Variants in TRIP11 observed in about 807,000 individuals in gnomAD.
TRIP11 encodes the protein thyroid hormone receptor interactor 11, also known as thyroid receptor-interacting protein 11.
A neutral mutation model predicts 223.1 loss-of-function variants in TRIP11; 148 were observed. The observed-to-expected ratio is 0.66, with a 90% CI of 0.58 to 0.76. The LOEUF is 0.76. Ranked by LOEUF, TRIP11 falls within the 30% of genes least tolerant of loss-of-function variation. The pLI, the probability that TRIP11 is intolerant of heterozygous loss-of-function variation, is 0.00. For synonymous variants in TRIP11, 762 were observed against 772.6 expected (o/e 0.99, Z 0.23); for missense variants, 2,043 against 2,222.0 (o/e 0.92, Z 1.62).
chr14:91,999,602 A>C (rs978729100), intron 12 of TRIP11, among the ~76,000 whole-genome samples, 169 bp from the exon 13 acceptor site: 1 of 152,214 alleles, frequency 6.6e-6, no homozygotes, highest in African/African-American at 2.4e-5. Context: ...ATCATCTTGA[A>C]TATGCATCTG....
chr14:92,028,779 A>C (rs1201705912), intron 2 of TRIP11, among the ~76,000 whole-genome samples: 1 of 152,224 alleles, frequency 6.6e-6, no homozygotes, highest in African/African-American at 2.4e-5. Context: ...TTCTAGCTGC[A>C]GTCCTTCTAA....
rs61209764 is a variant in TRIP11 at position 92,024,370 on chromosome 14, C to CAA, written c.312+938_312+939dup. ...TGGGCGACAGAGCAAGACTCTGTCT[C>CAA]AAAAAAAAAAAAAAAAATTATTTGA... is the stretch of plus-strand genomic sequence containing the variant. On this transcript the variant is annotated intron_variant, in intron 3 of 20. Coordinates refer to ENST00000267622, the MANE Select transcript of TRIP11 (RefSeq NM_004239.4). Among the ~76,000 whole-genome samples, 119 of 106,652 alleles carry CAA rather than the reference C, an allele frequency of 1.1e-3. 1 individual carries two copies. The highest frequency in any genetic ancestry group is 2.1e-3 in the African/African-American group (62 of 29,234). 70.0% of individuals were successfully genotyped at this position (106,652 alleles called of 152,430 possible).
chr14:92,006,404 T>A lies in TRIP11; in HGVS notation c.1572A>T (p.Glu524Asp). The A allele has an allele frequency of 6.2e-7, 1 of 1,613,210 alleles. No individual in the cohort carries two copies. Among genetic ancestry groups the A allele is most frequent in the Non-Finnish European group, 8.5e-7 (1 of 1,179,748 alleles). ...TCAGTTTACTGATGATGCTATCTCC[T>A]TCATTTTGTTGTTTTGATAGCTGAT... is the stretch of plus-strand genomic sequence containing the variant. ...IKDQLSKQQN[E>D]GDSIISKLKQ... is the part of the protein sequence containing the mutation. The change falls in exon 11 of 21, where the codon GAA becomes GAT. Residue 524 changes from glutamate to aspartate, a missense_variant. Physicochemically the swap from Glu to Asp is conservative, Grantham distance 45 (BLOSUM62 2). Coordinates refer to ENST00000267622, the MANE Select transcript of TRIP11 (RefSeq NM_004239.4).
chr14:91,980,779 A>G (rs973832981), intron 16 of TRIP11, among the ~76,000 whole-genome samples: 16 of 151,932 alleles, frequency 1.1e-4, no homozygotes, highest in Non-Finnish European at 2.2e-4. Context: ...ACATATATAT[A>G]TGTCAATAAA....
chr14:92,037,305 G>A lies in TRIP11; in HGVS notation c.139+2242C>T, dbSNP rs541096702. On this transcript the variant is annotated intron_variant, in intron 1 of 20. Coordinates refer to ENST00000267622, the MANE Select transcript of TRIP11 (RefSeq NM_004239.4). This position sits in a 1 kb window ranked among gnomAD's most constrained non-coding sequence, Gnocchi z 4.2. ...ATGCTGTCAGGGAGAGATCCACAAAGTTCTGTTAGAACACAGATCACCAAC... is the reference window on the plus strand; with the variant it reads ...ATGCTGTCAGGGAGAGATCCACAAAATTCTGTTAGAACACAGATCACCAAC... 6.6e-6 allele frequency among the ~76,000 whole-genome samples: 1 copy of A among 152,322 alleles called. No homozygotes were observed. Among genetic ancestry groups the A allele is most frequent in the South Asian group, 2.1e-4 (1 of 4,822 alleles).
rs200720123 is a variant in TRIP11, at chr14:92,005,670, T to G, written c.2306A>C (p.Gln769Pro). The change falls in exon 11 of 21, where the codon CAA (glutamine) becomes CCA (proline). Residue 769 changes from glutamine to proline, a missense_variant. Gln to Pro is a moderately conservative substitution (Grantham distance 76). Transcript: ENST00000267622. ...LEHEHLIKLN[Q>P]KKDMEIAELK... ...TTCTGCTATTTCCATGTCTTTCTTT[T>G]GATTGAGTTTAATTAAATGCTCATG... 7 of 1,613,798 alleles carry G rather than the reference T, an allele frequency of 4.3e-6. No homozygotes were observed. The African/African-American group carries it at 8.0e-5, about 18-fold the overall frequency.
intron 19 of TRIP11, among the ~76,000 whole-genome samples, chr14:91,973,500 A>G (rs1383815431): frequency 1.3e-5 from 2 of 152,216 alleles, no homozygotes; most frequent in African/African-American, 2.4e-5. Flanking sequence ...TTTAATAACT[A>G]TTAACACAAA....
rs746574987 is a variant in TRIP11 at position 91,988,271 on chromosome 14, GA to G, written c.5260+12del. ...TATTGTAGTGGGGGAAAAATGAAAA[GA>G]AAAAAACCTACTTTGTCTTTTAAGT... On this transcript the variant is annotated intron_variant, in intron 16 of 20. Transcript: ENST00000267622. The G allele has an allele frequency of 2.1e-5, 33 of 1,599,048 alleles. 2 individuals are homozygous for G. Among genetic ancestry groups the G allele is most frequent in the Admixed American group, 1.8e-4 (11 of 59,714 alleles).
rs2056494798 is a variant in TRIP11 at position 91,978,405 on chromosome 14, A to C, written c.5261-2216T>G. Among the ~76,000 whole-genome samples the C allele has an allele frequency of 6.6e-6, 1 of 152,018 alleles. No individual in the cohort carries two copies. The highest frequency in any genetic ancestry group is 1.9e-4 in the East Asian group (1 of 5,192). ...AACCCCCACCTTCCCTTTCCCTGAG[A>C]CTTCCCTTCTCCTACCTACTTTCCT... On this transcript the variant is annotated intron_variant, in intron 16 of 20. Transcript: ENST00000267622. This position sits in a 1 kb window ranked among gnomAD's most constrained non-coding sequence, Gnocchi z 4.4.
At chr14:92,021,404 AAG>A (rs2057112850) in intron 4 of TRIP11, 150 bp downstream of exon 4, 2 of 777,984 alleles carry the variant, frequency 2.6e-6, no homozygotes, top group Non-Finnish European at 4.0e-6. Flanking sequence ...AAAAAAAAAA[AAG>A]AAAGAAAGTC....
At chr14:92,034,963 AGAGT>A (rs1356321073) in intron 1 of TRIP11, among the ~76,000 whole-genome samples, 1 of 151,866 alleles carries the variant, frequency 6.6e-6, no homozygotes, top group African/African-American at 2.4e-5. Context: ...ATTTAAAAGT[AGAGT>A]GAGAGCCCAG....
chr14:91,989,749 T>C (rs905957810), intron 15 of TRIP11, among the ~76,000 whole-genome samples: 3 of 152,092 alleles, frequency 2.0e-5, no homozygotes, highest in Non-Finnish European at 2.9e-5. Flanking sequence ...CCTTAATCAG[T>C]TGAATTTAAG....
rs774975092 is a variant in TRIP11 at position 92,003,822 on chromosome 14, C to T, written c.4154G>A (p.Arg1385Lys). 2 of 1,614,064 alleles carry T rather than the reference C, an allele frequency of 1.2e-6. No individual in the cohort carries two copies. Among genetic ancestry groups the T allele is most frequent in the Non-Finnish European group, 1.7e-6 (2 of 1,180,014 alleles). Reference protein sequence around the residue: ...DSIAATSELERKEHEQTDSEI... With the variant: ...DSIAATSELEKKEHEQTDSEI... ...TGAATCGGTTTGTTCGTGTTCTTTT[C>T]TTTCTAGCTCTGAGGTGGCAGCAAT... Residue 1385 changes from arginine to lysine, a missense_variant, in exon 11 of 21, where the codon AGA (arginine) becomes AAA (lysine). Transcript: ENST00000267622.
Position 91,985,370 on chromosome 14 carries a change from A to G in TRIP11, c.5260+2914T>C, listed in dbSNP as rs139920500. Among the ~76,000 whole-genome samples, 810 of 152,228 alleles carry G rather than the reference A, an allele frequency of 5.3e-3. 5 individuals are homozygous for G. Among genetic ancestry groups the G allele is most frequent in the South Asian group, 0.022 (104 of 4,814 alleles). ...CATCTGTCTTCATACTTTTCACACA[A>G]GGCCCAAAAATACTCTTAATTCATA... On this transcript the variant is annotated intron_variant, in intron 16 of 20. Transcript: ENST00000267622.
chr14:92,029,309 T>TTTTTTA (rs1385592807), intron 2 of TRIP11, among the ~76,000 whole-genome samples: 2 of 86,890 alleles, frequency 2.3e-5, no homozygotes, highest in African/African-American at 8.3e-5. Flanking sequence ...TTTTTTTTTT[T>TTTTTTA]TTTTGAGATG....
At chr14:91,977,782 A>G (rs964361498) in intron 16 of TRIP11, among the ~76,000 whole-genome samples, 1 of 152,166 alleles carries the variant, frequency 6.6e-6, no homozygotes, top group Non-Finnish European at 1.5e-5. Flanking sequence ...CTTCTGCACA[A>G]TGCCCAAAAT....
chr14:91,997,477 A>G (rs1315041518), intron 13 of TRIP11, among the ~76,000 whole-genome samples: 1 of 152,128 alleles, frequency 6.6e-6, no homozygotes, highest in Non-Finnish European at 1.5e-5. Context: ...ACTAAATATT[A>G]TGCAAGTTCA....
intron 11 of TRIP11, among the ~76,000 whole-genome samples, chr14:92,000,769 C>T (rs2056814774): frequency 6.6e-6 from 1 of 152,164 alleles, no homozygotes; most frequent in African/African-American, 2.4e-5. Flanking sequence ...AGTAACTTCA[C>T]TGCAAAAGTA....
chr14:92,000,260 T>G, intron 11 of TRIP11, 152 bp from the exon 12 acceptor site: 1 of 1,316,588 alleles, frequency 7.6e-7, no homozygotes, highest in Non-Finnish European at 1.0e-6. Context: ...AGACTCCTAG[T>G]TAATTTAAAA....
Sources: gnomAD v4.1 joint callset for allele counts (sites outside exome capture counted in the v4.1 genomes callset) on GRCh38, gnomAD v4.1.1 for gene constraint, Gnocchi (gnomAD v3.1) non-coding constraint, MANE v1.5 for transcripts, NCBI Gene and HGNC (gene_info 2026-07-23, HGNC 2026-07-21) for gene names.